CARMIL1: variants seen among roughly 807,000 people sequenced by gnomAD.
CARMIL1 encodes capping protein regulator and myosin 1 linker 1.
A neutral mutation model predicts 177.1 loss-of-function variants in CARMIL1; 90 were observed. The ratio of observed to expected loss-of-function variants is 0.51; its 90% CI spans 0.43 to 0.61. The LOEUF is 0.61. CARMIL1 is among the 20% of genes least tolerant of loss of function. CARMIL1 has a pLI of 0.00. For synonymous variants in CARMIL1, 577 were observed against 606.2 expected, an observed-to-expected ratio of 0.95 and a Z score of 0.71; for missense variants, 1,380 against 1,667.0, an observed-to-expected ratio of 0.83 and a Z score of 3.00.
chr6:25,335,304 T>A (rs1374968089), intron 2 of CARMIL1, among the ~76,000 whole-genome samples: 1 of 152,200 alleles, frequency 6.6e-6, no homozygotes, highest in Non-Finnish European at 1.5e-5. Flanking sequence ...GCTCTGTTGA[T>A]TTGATTTTGT....
At chr6:25,454,091 C>G (rs538302131) in intron 8 of CARMIL1, among the ~76,000 whole-genome samples, 6 of 152,168 alleles carry the variant, frequency 3.9e-5, no homozygotes, top group African/African-American at 1.4e-4. Flanking sequence ...TTTGTCAAAC[C>G]TTTTAGAAAA....
At chr6:25,539,625 CAAAAAAAAAA>C (rs11304932) in intron 25 of CARMIL1, among the ~76,000 whole-genome samples, 4 of 55,706 alleles carry the variant, frequency 7.2e-5, no homozygotes, top group Admixed American at 2.7e-4. Flanking sequence ...AACTCCATCT[CAAAAAAAAAA>C]AAAAAAAAAA....
intron 2 of CARMIL1, among the ~76,000 whole-genome samples, chr6:25,319,039 G>C (rs1380187940): frequency 6.6e-6 from 1 of 152,130 alleles, no homozygotes; most frequent in Non-Finnish European, 1.5e-5. Context: ...TCATGAATTA[G>C]GCAATTTAAT....
chr6:25,406,383 G>GGC (rs1794374213), intron 2 of CARMIL1, among the ~76,000 whole-genome samples: 1 of 152,178 alleles, frequency 6.6e-6, no homozygotes, highest in African/African-American at 2.4e-5. Flanking sequence ...TGGAGGTGGA[G>GGC]GCAGGGGCCA....
At chr6:25,311,652 T>C (rs1318137281) in intron 2 of CARMIL1, among the ~76,000 whole-genome samples, 1 of 151,786 alleles carries the variant, frequency 6.6e-6, no homozygotes, top group Admixed American at 6.6e-5. Context: ...GAAGGTTCTA[T>C]TGTGAAAAGC....
chr6:25,422,376 G>A (rs1795933118), intron 3 of CARMIL1, among the ~76,000 whole-genome samples: 2 of 152,046 alleles, frequency 1.3e-5, no homozygotes, highest in South Asian at 4.2e-4. Flanking sequence ...GGATCTTTTG[G>A]GACTTGCAGT....
chr6:25,327,770 T>C (rs956277763), intron 2 of CARMIL1, among the ~76,000 whole-genome samples: 1 of 152,250 alleles, frequency 6.6e-6, no homozygotes, highest in Non-Finnish European at 1.5e-5. Flanking sequence ...TTGTGCCTCA[T>C]GTCATGTTAT....
chr6:25,465,615 G>T (rs1800532925), intron 8 of CARMIL1: 2 of 436,208 alleles, frequency 4.6e-6, no homozygotes, highest in Non-Finnish European at 8.1e-6. Context: ...GAGCAAGGAG[G>T]TTTTTCAAGC....
intron 2 of CARMIL1, among the ~76,000 whole-genome samples, chr6:25,403,238 T>C (rs576503317): frequency 1.3e-5 from 2 of 152,272 alleles, no homozygotes; most frequent in Admixed American, 1.3e-4. Flanking sequence ...TTTTCTCTTA[T>C]ATTCCAATTT....
At chr6:25,343,734 C>T (rs539430907) in intron 2 of CARMIL1, among the ~76,000 whole-genome samples, 1 of 152,250 alleles carries the variant, frequency 6.6e-6, no homozygotes, top group African/African-American at 2.4e-5. Context: ...AAACCCCCCA[C>T]TTCCTCACCT....
chr6:25,344,128 A>G lies in CARMIL1; in HGVS notation c.138+59219A>G, dbSNP rs182208903. On this transcript the variant is annotated intron_variant, in intron 2 of 36. Coordinates refer to ENST00000329474, the MANE Select transcript of CARMIL1 (RefSeq NM_017640.6). ...CACTCCATCCCACGGTCATATCTTG[A>G]TCCTCTCATCACCGGTGACTTCAGT... 2.4e-3 allele frequency among the ~76,000 whole-genome samples: 370 copies of G among 152,144 alleles called. 2 individuals carry two copies. The highest frequency in any genetic ancestry group is 7.7e-3 in the African/African-American group (319 of 41,508).
intron 2 of CARMIL1, among the ~76,000 whole-genome samples, chr6:25,379,878 A>G (rs1265938141): frequency 7.2e-5 from 11 of 152,164 alleles, no homozygotes; most frequent in Admixed American, 7.2e-4. Context: ...CAATATGTGA[A>G]GTGATCAAGA....
chr6:25,383,982 G>A (rs1341283372), intron 2 of CARMIL1, among the ~76,000 whole-genome samples: 1 of 152,142 alleles, frequency 6.6e-6, no homozygotes, highest in Non-Finnish European at 1.5e-5. Flanking sequence ...TGGGATTACA[G>A]GCATTTGCCA....
In CARMIL1 at chr6:25,284,908, T is replaced by C; in HGVS notation, c.137T>C (p.Leu46Pro). Residue 46 changes from leucine (L) to proline (P), a missense_variant and splice_region_variant, in exon 2 of 37, where the codon CTG (leucine) becomes CCG (proline). Physicochemically the swap from Leu to Pro is moderately conservative, Grantham distance 98 (BLOSUM62 -3). Transcript: ENST00000329474. ...VKGDKVENKV[L>P]VLTSCRAFLV... ...GGAGACAAAGTTGAAAACAAAGTGCTGGTAAGTATTGCTGTTTATTTTTAT... is the reference window on the plus strand; with the variant it reads ...GGAGACAAAGTTGAAAACAAAGTGCCGGTAAGTATTGCTGTTTATTTTTAT... The C allele has an allele frequency of 1.3e-6, 2 of 1,510,694 alleles. No homozygotes were observed. The highest frequency in any genetic ancestry group is 1.8e-6 in the Non-Finnish European group (2 of 1,105,486). The allele number at this position is 1,510,694 out of a possible 1,614,324, so 93.6% of individuals were successfully genotyped here.
At chr6:25,531,920 A>G (rs565764814) in intron 24 of CARMIL1, among the ~76,000 whole-genome samples, 49 of 151,876 alleles carry the variant, frequency 3.2e-4, no homozygotes, top group Middle Eastern at 3.4e-3. Context: ...ATAGTTGCCC[A>G]TCACCACACC....
At chr6:25,526,328 A>G (rs214051) in intron 23 of CARMIL1, among the ~76,000 whole-genome samples, 69,025 of 151,264 alleles carry the variant, frequency 0.46, 15,904 homozygotes, top group East Asian at 0.52. Context: ...GGGCGACAGC[A>G]CAAGACTCCG....
intron 33 of CARMIL1, 89 bp downstream of exon 33, chr6:25,600,835 T>A: frequency 8.7e-7 from 1 of 1,151,722 alleles, no homozygotes; most frequent in Non-Finnish European, 1.2e-6. Flanking sequence ...TTTTTATGTA[T>A]GTCTATCACC....
At chr6:25,510,382 C>A in intron 18 of CARMIL1, 125 bp from the exon 19 acceptor site, 1 of 581,898 alleles carries the variant, frequency 1.7e-6, no homozygotes, top group Non-Finnish European at 3.0e-6. Flanking sequence ...GATTAGAATC[C>A]CAGGCCCCTC....
intron 5 of CARMIL1, among the ~76,000 whole-genome samples, chr6:25,441,337 A>ATATGTGTGTGTGTGTG: frequency 0.011 from 1,029 of 94,510 alleles, 20 homozygotes; most frequent in African/African-American, 0.03. Flanking sequence ...ATATATATAT[A>ATATGTGTGTGTGTGTG]TGTGTGTGTG....
Sources: allele counts gnomAD v4.1 joint callset (sites outside exome capture counted in the v4.1 genomes callset), GRCh38; gene constraint gnomAD v4.1.1; transcripts MANE v1.5; gene names NCBI Gene and HGNC (gene_info 2026-07-23, HGNC 2026-07-21).